CDH23: variants seen among roughly 807,000 people sequenced by gnomAD.
CDH23 encodes the protein cadherin-23.
Under a neutral mutation model 317.1 loss-of-function variants are expected in CDH23, and 189 were observed. The observed-to-expected ratio is 0.60, with a 90% CI of 0.53 to 0.67. The LOEUF (loss-of-function observed/expected upper bound fraction) is 0.67, where lower values mean the gene tolerates loss of function less well. CDH23 is among the 30% of genes least tolerant of loss of function. The pLI is 0.00. For missense variants in CDH23, 4,401 were observed against 4,592.4 expected, an observed-to-expected ratio of 0.96 and a Z score of 1.20; for synonymous variants, 1,839 against 1,876.8, an observed-to-expected ratio of 0.98 and a Z score of 0.52.
intron 28 of CDH23, among the ~76,000 whole-genome samples, chr10:71,721,674 C>T (rs1272487173): frequency 3.9e-5 from 6 of 152,212 alleles, no homozygotes; most frequent in African/African-American, 4.8e-5. Context: ...ACACACTTAC[C>T]GCAGTGCCCG....
intron 14 of CDH23, among the ~76,000 whole-genome samples, chr10:71,653,842 G>A (rs1035125909): frequency 3.3e-5 from 5 of 152,154 alleles, no homozygotes; most frequent in African/African-American, 4.8e-5. Flanking sequence ...AGAGAGACGG[G>A]GCATTTAAAG....
At chr10:71,612,398 G>A (rs552082411) in intron 9 of CDH23, among the ~76,000 whole-genome samples, 4 of 152,184 alleles carry the variant, frequency 2.6e-5, no homozygotes, top group East Asian at 3.9e-4. Context: ...CAGTGTGTAC[G>A]TGAACGGGGC....
intron 22 of CDH23, among the ~76,000 whole-genome samples, chr10:71,699,150 G>A (rs1345522011): frequency 1.3e-5 from 2 of 152,236 alleles, no homozygotes; most frequent in Non-Finnish European, 2.9e-5. Flanking sequence ...AAACCATACT[G>A]CCTAGCACAG....
At chr10:71,734,391 A>G (rs1839494863) in intron 33 of CDH23, 50 bp downstream of exon 33, 2 of 1,555,198 alleles carry the variant, frequency 1.3e-6, no homozygotes, top group East Asian at 2.4e-5. Context: ...ATCGCTGGCC[A>G]TGACACTTCC....
chr10:71,448,150 A>G (rs1589322209), intron 3 of CDH23, among the ~76,000 whole-genome samples: 1 of 152,222 alleles, frequency 6.6e-6, no homozygotes, highest in East Asian at 1.9e-4. Context: ...CCTGCATGCC[A>G]GGTTCTGAGC....
intron 2 of CDH23, among the ~76,000 whole-genome samples, chr10:71,441,670 C>T (rs753088553): frequency 5.9e-5 from 9 of 151,436 alleles, no homozygotes; most frequent in Admixed American, 2.0e-4. Flanking sequence ...TGCAGTGAGC[C>T]GAGATTGTGC....
At chr10:71,800,796 G>A (rs1483345997) in intron 53 of CDH23, 41 bp downstream of exon 53, 1 of 1,605,280 alleles carries the variant, frequency 6.2e-7, no homozygotes, top group South Asian at 1.1e-5. Flanking sequence ...CAGGGACTGG[G>A]GTTGTGGAGG....
chr10:71,594,245 C>T (rs1245906042), intron 9 of CDH23, among the ~76,000 whole-genome samples: 2 of 152,128 alleles, frequency 1.3e-5, no homozygotes, highest in Non-Finnish European at 2.9e-5. Flanking sequence ...AAAAATTGTG[C>T]TCAATTATTA....
chr10:71,562,810 TG>T (rs1857199949), intron 6 of CDH23, among the ~76,000 whole-genome samples: 1 of 152,236 alleles, frequency 6.6e-6, no homozygotes, highest in African/African-American at 2.4e-5. Flanking sequence ...TCACTGCAGG[TG>T]GGCTTCCTCT....
At position 71,633,482 on chromosome 10, in the gene CDH23, C is replaced by G. The variant is rs535273840; in HGVS notation, c.1135-10379C>G. Among the ~76,000 whole-genome samples, 86 of 152,328 alleles carry G rather than the reference C, an allele frequency of 5.6e-4. 1 individual carries two copies. Among genetic ancestry groups the G allele is most frequent in the African/African-American group, 1.6e-3 (65 of 41,566 alleles). ...GAGCCCTTTGCATGCCTGAGCAGCC[C>G]TGCCTGGGGGCAGCTGAGTGACACA... On this transcript the variant is annotated intron_variant, in intron 11 of 69. Coordinates refer to ENST00000224721, the MANE Select transcript of CDH23 (RefSeq NM_022124.6).
At chr10:71,716,052 A>T (rs1292352915) in intron 28 of CDH23, 1 of 1,509,116 alleles carries the variant, frequency 6.6e-7, no homozygotes, top group East Asian at 2.5e-5. Flanking sequence ...GAGAGGCGCA[A>T]GGAGCCCAGG....
intron 38 of CDH23, among the ~76,000 whole-genome samples, chr10:71,776,576 G>A (rs373890983): frequency 1.3e-4 from 20 of 152,266 alleles, no homozygotes; most frequent in African/African-American, 4.3e-4. Flanking sequence ...TTTAATACAG[G>A]GACTGTTTAG....
At chr10:71,814,703 A>G (rs1206567437) in intron 69 of CDH23, among the ~76,000 whole-genome samples, 1 of 134,460 alleles carries the variant, frequency 7.4e-6, no homozygotes, top group African/African-American at 2.9e-5. Context: ...CAATTTTCAC[A>G]AGAAGCCGAT....
chr10:71,681,121 C>A (rs1270916958), intron 17 of CDH23, among the ~76,000 whole-genome samples: 1 of 152,042 alleles, frequency 6.6e-6, no homozygotes, highest in Non-Finnish European at 1.5e-5. Flanking sequence ...AGCCACTGTG[C>A]CTGGCCCATC....
rs537510412 is a variant in CDH23 at position 71,486,886 on chromosome 10, G to A, written c.146-23196G>A. 4.4e-4 allele frequency among the ~76,000 whole-genome samples: 67 copies of A among 152,164 alleles called. 1 individual carries two copies. The highest frequency in any genetic ancestry group is 2.4e-4 in the Non-Finnish European group (16 of 68,006). ...TGCAGCTGCTGGAAAGGCCTCAGCC[G>A]ACCCTCTGGGGAGCCCTGGGGAGGG... On this transcript the variant is annotated intron_variant, in intron 3 of 69. Coordinates refer to ENST00000224721, the MANE Select transcript of CDH23 (RefSeq NM_022124.6).
rs1865630975 is a variant in CDH23, at chr10:71,702,534, C to T, written c.2588-15C>T. On this transcript the variant is annotated splice_polypyrimidine_tract_variant and intron_variant, in intron 23 of 69. Coordinates refer to ENST00000224721, the MANE Select transcript of CDH23 (RefSeq NM_022124.6). Reference sequence around the variant, plus strand: ...TTACCCTGTCCTTGGCCCCTTCTCGCCCTGGTCTTCCCAGGTGGCAGGCCC... The same window carrying T: ...TTACCCTGTCCTTGGCCCCTTCTCGTCCTGGTCTTCCCAGGTGGCAGGCCC... 7 of 1,613,912 alleles carry T rather than the reference C, an allele frequency of 4.3e-6. No individual in the cohort carries two copies. The highest frequency in any genetic ancestry group is 5.9e-6 in the Non-Finnish European group (7 of 1,179,854).
chr10:71,399,524 C>G (rs1847687286), intron 1 of CDH23, among the ~76,000 whole-genome samples: 2 of 152,194 alleles, frequency 1.3e-5, no homozygotes, highest in Non-Finnish European at 2.9e-5. Context: ...TCGGGTTGTA[C>G]CATGCTAATG....
intron 38 of CDH23, chr10:71,760,753 CG>C (rs903851627): frequency 1.2e-5 from 11 of 927,328 alleles, no homozygotes; most frequent in East Asian, 2.4e-5. Context: ...GGAGGAGGAC[CG>C]GGGGGTTCTG....
chr10:71,490,997 G>A (rs1230936447), intron 3 of CDH23, among the ~76,000 whole-genome samples: 1 of 152,068 alleles, frequency 6.6e-6, no homozygotes, highest in Non-Finnish European at 1.5e-5. Context: ...ACAACAGAGC[G>A]AGACTCCATC....
Sources: gnomAD v4.1 joint callset for allele counts (sites outside exome capture counted in the v4.1 genomes callset) on GRCh38, gnomAD v4.1.1 for gene constraint, MANE v1.5 for transcripts, NCBI Gene and HGNC (gene_info 2026-07-23, HGNC 2026-07-21) for gene names.